C5orf22: variants seen among roughly 807,000 people sequenced by gnomAD.
The protein encoded by C5orf22 is UPF0489 protein C5orf22.
In C5orf22, 36 loss-of-function variants were observed where a neutral mutation model predicts 48.7. The observed-to-expected ratio is 0.74, with a 90% CI of 0.57 to 0.98. C5orf22 has a LOEUF of 0.98. Ranked by LOEUF, C5orf22 falls within the 50% of genes least tolerant of loss-of-function variation. The pLI is 0.00. For missense variants in C5orf22, 486 were observed against 521.9 expected, an observed-to-expected ratio of 0.93 and a Z score of 0.67; for synonymous variants, 141 against 180.8, an observed-to-expected ratio of 0.78 and a Z score of 1.76.
intron 7 of C5orf22, among the ~76,000 whole-genome samples, chr5:31,550,174 A>C (rs1156441908): frequency 2.0e-5 from 3 of 152,222 alleles, no homozygotes; most frequent in African/African-American, 7.2e-5. Context: ...GTGTATCCAA[A>C]GCCTCCAATA....
chr5:31,538,565 A>C lies in C5orf22; in HGVS notation c.683A>C (p.Glu228Ala), dbSNP rs1195654710. The C allele has an allele frequency of 6.2e-7, 1 of 1,614,174 alleles. No homozygotes were observed. Among genetic ancestry groups the C allele is most frequent in the South Asian group, 1.1e-5 (1 of 91,080 alleles). Reference sequence around the variant, plus strand: ...TGTTCATGTTCTTCTGAAAATCAGGAATGCCAGACTGCTGCCAGCACTGGG... The same window carrying C: ...TGTTCATGTTCTTCTGAAAATCAGGCATGCCAGACTGCTGCCAGCACTGGG... ...PSCSCSSENQECQTAASTGEI... is the reference protein window; with the variant it reads ...PSCSCSSENQACQTAASTGEI... The change falls in exon 4 of 9, where the codon GAA (glutamate) becomes GCA (alanine). Residue 228 changes from glutamate to alanine, a missense_variant. Around this residue, in one of 3 missense-constraint regions of C5orf22, gnomAD observed 408 missense variants for 444.0 expected, o/e 0.92. Coordinates refer to ENST00000325366, the MANE Select transcript of C5orf22 (RefSeq NM_018356.3).
rs1235197543 is a variant in C5orf22, at chr5:31,538,228, C to T, written c.378-32C>T. 4.0e-6 allele frequency: 6 copies of T among 1,505,366 alleles called. No homozygotes were observed. The South Asian group carries it at 5.2e-5, about 13-fold the overall frequency. The allele number at this position is 1,505,366 out of a possible 1,614,324, so 93.3% of individuals were successfully genotyped here. On this transcript the variant is annotated intron_variant, in intron 3 of 8. Coordinates refer to ENST00000325366, the MANE Select transcript of C5orf22 (RefSeq NM_018356.3). ...TGAAATGTCAACTGATTTGCCCATT[C>T]TTCTTAAAAATCGTTTTTTCCTCTG...
At chr5:31,535,920 G>T in intron 3 of C5orf22, 27 bp downstream of exon 3, 1 of 1,597,036 alleles carries the variant, frequency 6.3e-7, no homozygotes, top group Non-Finnish European at 8.5e-7. Context: ...TGTGAATATG[G>T]AAGTGATTGA....
intron 7 of C5orf22, among the ~76,000 whole-genome samples, chr5:31,548,154 T>G (rs1358916567): frequency 1.3e-5 from 2 of 152,048 alleles, no homozygotes; most frequent in African/African-American, 2.4e-5. Flanking sequence ...ATACAAAACT[T>G]AGCTGGGTGT....
intron 6 of C5orf22, among the ~76,000 whole-genome samples, chr5:31,545,145 G>A (rs1025411246): frequency 6.0e-5 from 9 of 150,762 alleles, no homozygotes; most frequent in African/African-American, 1.7e-4. Flanking sequence ...TGCAAACTCC[G>A]CCTCCTGGGT....
rs527273819 is a variant in C5orf22 at position 31,544,063 on chromosome 5, T to C, written c.993-1583T>C. Among the ~76,000 whole-genome samples, 4 of 152,250 alleles carry C rather than the reference T, an allele frequency of 2.6e-5. No individual in the cohort carries two copies. In the South Asian group the frequency reaches 6.2e-4, roughly 24 times the overall value. Reference sequence around the variant, plus strand: ...CTCGGCATGGAGGCTTCGCTATGTCTAGGGAAGTGAGGTGGGTGTTTAGGG... The same window carrying C: ...CTCGGCATGGAGGCTTCGCTATGTCCAGGGAAGTGAGGTGGGTGTTTAGGG... On this transcript the variant is annotated intron_variant, in intron 6 of 8. Coordinates refer to ENST00000325366, the MANE Select transcript of C5orf22 (RefSeq NM_018356.3).
At chr5:31,536,218 C>T (rs1287639576) in intron 3 of C5orf22, among the ~76,000 whole-genome samples, 1 of 152,114 alleles carries the variant, frequency 6.6e-6, no homozygotes, top group African/African-American at 2.4e-5. Flanking sequence ...TGTTTCCTGT[C>T]AGTATAACTG....
At chr5:31,550,832 G>A (rs1302710871) in intron 7 of C5orf22, among the ~76,000 whole-genome samples, 5 of 152,332 alleles carry the variant, frequency 3.3e-5, no homozygotes, top group Admixed American at 6.5e-5. Context: ...AAAGTGCTGG[G>A]ATTACAGGCA....
intron 6 of C5orf22, among the ~76,000 whole-genome samples, chr5:31,544,584 CAA>C (rs1195756867): frequency 8.4e-5 from 10 of 119,616 alleles, no homozygotes; most frequent in Non-Finnish European, 7.2e-5. Flanking sequence ...ACTCTTGTCT[CAA>C]AAAAAAAAAA....
intron 7 of C5orf22, among the ~76,000 whole-genome samples, 175 bp downstream of exon 7, chr5:31,545,887 T>A (rs909566721): frequency 6.6e-6 from 1 of 152,148 alleles, no homozygotes; most frequent in Non-Finnish European, 1.5e-5. Context: ...CAGAATACTG[T>A]TTTCCTGGAA....
At chr5:31,538,824 C>T in intron 4 of C5orf22, 135 bp downstream of exon 4, 2 of 669,600 alleles carry the variant, frequency 3.0e-6, no homozygotes, top group Admixed American at 2.9e-5. Flanking sequence ...TACTAATACC[C>T]TTTTCTGTTG....
chr5:31,536,317 G>A (rs985653008), intron 3 of C5orf22, among the ~76,000 whole-genome samples: 2 of 152,136 alleles, frequency 1.3e-5, no homozygotes, highest in Non-Finnish European at 2.9e-5. Context: ...TCAAGAGATC[G>A]AGATCATCCT....
intron 1 of C5orf22, among the ~76,000 whole-genome samples, chr5:31,533,042 C>T (rs1357958144): frequency 1.3e-5 from 2 of 152,140 alleles, no homozygotes; most frequent in African/African-American, 2.4e-5. Flanking sequence ...GCAACCTCCG[C>T]CTCCTGGGTT....
chr5:31,545,121 C>G (rs573659815), intron 6 of C5orf22, among the ~76,000 whole-genome samples: 1 of 150,538 alleles, frequency 6.6e-6, no homozygotes, highest in Admixed American at 6.6e-5. Context: ...TGCAATGGTG[C>G]GGCCTCAGCT....
intron 6 of C5orf22, among the ~76,000 whole-genome samples, chr5:31,543,936 G>A (rs1007044451): frequency 6.6e-6 from 1 of 151,986 alleles, no homozygotes; most frequent in African/African-American, 2.4e-5. Context: ...AGTTTAGACT[G>A]TGCTTGGTAT....
At chr5:31,548,872 A>G (rs920726041) in intron 7 of C5orf22, among the ~76,000 whole-genome samples, 1 of 152,238 alleles carries the variant, frequency 6.6e-6, no homozygotes, top group Non-Finnish European at 1.5e-5. Flanking sequence ...CACATCTCAC[A>G]TGGCAGCAGA....
rs747257017 is a variant in C5orf22, at chr5:31,541,418, AT to A, written c.992+23del. On this transcript the variant is annotated intron_variant, in intron 6 of 8. Transcript: ENST00000325366. ...CAAACCCTGGGTAAGACTCTCAAACATTTTTTTCCCCCAACTCTACTAACTT... is the reference window on the plus strand; with the variant it reads ...CAAACCCTGGGTAAGACTCTCAAACATTTTTTCCCCCAACTCTACTAACTT... 65 of 1,609,530 alleles carry A rather than the reference AT, an allele frequency of 4.0e-5. 1 individual carries two copies. The South Asian group carries it at 4.3e-4, about 11-fold the overall frequency.
intron 1 of C5orf22, among the ~76,000 whole-genome samples, chr5:31,532,677 G>A (rs1741642277): frequency 6.6e-6 from 1 of 152,014 alleles, no homozygotes; most frequent in African/African-American, 2.4e-5. Flanking sequence ...CCTACGAGTC[G>A]GGGCAACTTA....
At chr5:31,541,554 C>A in intron 6 of C5orf22, 152 bp downstream of exon 6, 1 of 737,812 alleles carries the variant, frequency 1.4e-6, no homozygotes, top group South Asian at 2.1e-5. Flanking sequence ...CCAGGAGTTC[C>A]AGACCAGCCT....
Sources: allele counts gnomAD v4.1 joint callset (sites outside exome capture counted in the v4.1 genomes callset), GRCh38; gene constraint gnomAD v4.1.1; regional missense constraint gnomAD v4.1.1; transcripts MANE v1.5; gene names NCBI Gene and HGNC (gene_info 2026-07-23, HGNC 2026-07-21).